The following GOLGA8A variants were observed in gnomAD, a reference collection of about 807,000 sequenced individuals.
The protein encoded by GOLGA8A is golgin subfamily A member 8A.
Under a neutral mutation model 22.1 loss-of-function variants are expected in GOLGA8A, and 3 were observed. The observed-to-expected ratio is 0.14, with a 90% CI of 0.06 to 0.35. GOLGA8A has a LOEUF of 0.35. Ranked by LOEUF, GOLGA8A falls within the 10% of genes least tolerant of loss-of-function variation. The pLI is 1.00. For synonymous variants in GOLGA8A, 7 were observed against 91.7 expected, an observed-to-expected ratio of 0.08 and a Z score of 5.28; for missense variants, 16 against 233.2, an observed-to-expected ratio of 0.07 and a Z score of 6.07.
In GOLGA8A at chr15:34,432,818, G is replaced by A. The variant is rs750465978; in HGVS notation, c.-1123+2565C>T. ...TAGAGTTTAGAGTTTATGACAGGCC[G>A]CCTCTGCATTCTCTCACTAGGCCGT... is the stretch of plus-strand genomic sequence containing the variant. On this transcript the variant is annotated intron_variant, in intron 2 of 24. Coordinates refer to ENST00000359187, the MANE Select transcript of GOLGA8A (RefSeq NM_181077.5). 5.4e-5 allele frequency among the ~76,000 whole-genome samples: 8 copies of A among 148,754 alleles called. 1 individual carries two copies. The highest frequency in any genetic ancestry group is 1.2e-4 in the Non-Finnish European group (8 of 67,100).
In GOLGA8A at chr15:34,428,332, C is replaced by T. The variant is rs1311362635; in HGVS notation, c.-1123+7051G>A. On this transcript the variant is annotated intron_variant, in intron 2 of 24. Coordinates refer to ENST00000359187, the MANE Select transcript of GOLGA8A (RefSeq NM_181077.5). Reference sequence around the variant, plus strand: ...CTGATCTCAAACTCCTGGGCTTAAGCGATCCTCCCTCCTCAGCCTCACAAA... The same window carrying T: ...CTGATCTCAAACTCCTGGGCTTAAGTGATCCTCCCTCCTCAGCCTCACAAA... Among the ~76,000 whole-genome samples the T allele has an allele frequency of 1.3e-3, 192 of 143,554 alleles. 9 individuals are homozygous for T. The highest frequency in any genetic ancestry group is 2.4e-3 in the Non-Finnish European group (155 of 63,852). 94.2% of individuals were successfully genotyped at this position (143,554 alleles called of 152,430 possible).
intron 12 of GOLGA8A, among the ~76,000 whole-genome samples, chr15:34,386,361 CA>C (rs1445961227): frequency 7.2e-6 from 1 of 137,938 alleles, no homozygotes; most frequent in African/African-American, 3.1e-5. Context: ...GTCAGGCCAG[CA>C]CTTCCCCAAG....
intron 2 of GOLGA8A, among the ~76,000 whole-genome samples, chr15:34,431,010 G>A (rs577014927): frequency 6.7e-6 from 1 of 148,562 alleles, no homozygotes; most frequent in African/African-American, 2.5e-5. Context: ...CTGAGAAACA[G>A]AAACTGTGTT....
intron 2 of GOLGA8A, chr15:34,418,904 CTTTTTTTTT>C (rs60469276): frequency 8.5e-6 from 1 of 118,186 alleles, no homozygotes; most frequent in Non-Finnish European, 1.7e-5. Flanking sequence ...ATCCATTTCT[CTTTTTTTTT>C]TTTTTTTTGA....
intron 2 of GOLGA8A, among the ~76,000 whole-genome samples, chr15:34,431,686 T>G (rs1177019618): frequency 6.7e-6 from 1 of 148,686 alleles, no homozygotes; most frequent in Non-Finnish European, 1.5e-5. Flanking sequence ...GAATGGACCT[T>G]CCATGAATGG....
At chr15:34,420,513 GGTCACTGCAGTGAGGATGGAGGT>G (rs1450153218) in intron 2 of GOLGA8A, among the ~76,000 whole-genome samples, 1 of 144,164 alleles carries the variant, frequency 6.9e-6, no homozygotes, top group African/African-American at 2.6e-5. Flanking sequence ...TGCACTCACG[GGTCACTGCAGTGAGGATGGAGGT>G]GTCACTGCAA....
intron 2 of GOLGA8A, among the ~76,000 whole-genome samples, chr15:34,433,437 T>C (rs939011888): frequency 2.0e-5 from 3 of 149,298 alleles, no homozygotes; most frequent in Non-Finnish European, 1.5e-5. Context: ...GGAATCTCAG[T>C]GCACAGTAAG....
In GOLGA8A at chr15:34,410,754, T is replaced by C. The variant is rs1892395734; in HGVS notation, c.-1122-3019A>G. ...TCTTCATTGGTCCAGTTGGGAGACA[T>C]GTTGCGTGGATGCTCCGGCCACTCT... On this transcript the variant is annotated intron_variant, in intron 2 of 24. Transcript: ENST00000359187. Among the ~76,000 whole-genome samples the C allele has an allele frequency of 2.2e-5, 2 of 89,510 alleles. 1 individual carries two copies. Among genetic ancestry groups the C allele is most frequent in the Non-Finnish European group, 5.0e-5 (2 of 40,162 alleles). The allele number at this position is 89,510 out of a possible 152,430, so 58.7% of individuals were successfully genotyped here. A position where few individuals can be genotyped will look rare whatever the true frequency, so the allele number is the denominator to read the frequency against.
rs951434978 is a variant in GOLGA8A, at chr15:34,427,244, T to C, written c.-1123+8139A>G. The stretch of plus-strand genomic sequence containing the variant: ...TACTCGGGAAGCTGAGGAAGGAGAA[T>C]GGCGTGAACCCAGGAGGTGGAGCTT... On this transcript the variant is annotated intron_variant, in intron 2 of 24. Coordinates refer to ENST00000359187, the MANE Select transcript of GOLGA8A (RefSeq NM_181077.5). Among the ~76,000 whole-genome samples the C allele has an allele frequency of 1.2e-4, 17 of 138,456 alleles. 3 individuals carry two copies. Among genetic ancestry groups the C allele is most frequent in the Admixed American group, 8.6e-4 (11 of 12,772 alleles). 90.8% of individuals were successfully genotyped at this position (138,456 alleles called of 152,430 possible). A position where few individuals can be genotyped will look rare whatever the true frequency, so the allele number is the denominator to read the frequency against.
chr15:34,417,981 A>C (rs1892641317), intron 2 of GOLGA8A: 2 of 138,952 alleles, frequency 1.4e-5, no homozygotes, highest in African/African-American at 5.3e-5. Context: ...TGTCTGGCCC[A>C]GTATATACAC....
At chr15:34,432,427 A>G (rs1276698676) in intron 2 of GOLGA8A, among the ~76,000 whole-genome samples, 2 of 149,124 alleles carry the variant, frequency 1.3e-5, no homozygotes, top group Non-Finnish European at 3.0e-5. Context: ...CTCAAAGGCC[A>G]GCACTGCCCC....
Position 34,436,317 on chromosome 15 carries a change from G to A in GOLGA8A, c.-1211-846C>T, listed in dbSNP as rs1221472790. 3.3e-5 allele frequency among the ~76,000 whole-genome samples: 5 copies of A among 149,494 alleles called. 1 individual carries two copies. The highest frequency in any genetic ancestry group is 7.4e-5 in the Non-Finnish European group (5 of 67,182). ...AAATAGAAAAACAAACAAAAACAAA[G>A]AGGCACAGAAGGCTGAAGACGCCAG... On this transcript the variant is annotated intron_variant, in intron 1 of 24. Coordinates refer to ENST00000359187, the MANE Select transcript of GOLGA8A (RefSeq NM_181077.5).
intron 2 of GOLGA8A, among the ~76,000 whole-genome samples, chr15:34,431,337 A>ATCTCTCTCTCTC (rs1385683475): frequency 3.0e-5 from 3 of 99,284 alleles, no homozygotes; most frequent in African/African-American, 1.1e-4. Flanking sequence ...ATATATATAT[A>ATCTCTCTCTCTC]TATATATATC....
intron 8 of GOLGA8A, among the ~76,000 whole-genome samples, chr15:34,397,142 TGG>T (rs1891884114): frequency 4.3e-5 from 2 of 46,442 alleles, no homozygotes; most frequent in Non-Finnish European, 4.1e-5. Context: ...CTTTTTTTTT[TGG>T]TGGTGGTGGG....
chr15:34,436,209 T>A (rs1350986456), intron 1 of GOLGA8A, among the ~76,000 whole-genome samples: 1 of 149,402 alleles, frequency 6.7e-6, no homozygotes, highest in African/African-American at 2.5e-5. Flanking sequence ...AACCTGCACC[T>A]TAGGAAAACT....
intron 2 of GOLGA8A, among the ~76,000 whole-genome samples, chr15:34,434,860 G>T (rs541197386): frequency 6.7e-6 from 1 of 149,574 alleles, no homozygotes; most frequent in Non-Finnish European, 1.5e-5. Flanking sequence ...CTGAGACTGC[G>T]TTGAGGACAC....
chr15:34,437,098 G>A (rs1390669614), intron 1 of GOLGA8A, among the ~76,000 whole-genome samples: 2 of 148,122 alleles, frequency 1.4e-5, no homozygotes, highest in East Asian at 4.0e-4. Flanking sequence ...GCCGAGAGTG[G>A]CCCCTCGCCG....
In GOLGA8A at chr15:34,434,371, C is replaced by G. The variant is rs967719326; in HGVS notation, c.-1123+1012G>C. ...CAGCCGGCACAGAAATCATAAAGCA[C>G]ACAGCAATGGCACCCCACCAGTACG... On this transcript the variant is annotated intron_variant, in intron 2 of 24. Transcript: ENST00000359187. Among the ~76,000 whole-genome samples, 21 of 149,630 alleles carry G rather than the reference C, an allele frequency of 1.4e-4. 1 individual carries two copies. The highest frequency in any genetic ancestry group is 4.7e-4 in the African/African-American group (19 of 40,558).
At chr15:34,431,198 G>C (rs2554784) in intron 2 of GOLGA8A, among the ~76,000 whole-genome samples, 131,829 of 143,720 alleles carry the variant, frequency 0.92, 61,999 homozygotes, top group South Asian at 1. Context: ...ATTAAATTAA[G>C]AACAGATACA....
Sources: allele counts gnomAD v4.1 joint callset (sites outside exome capture counted in the v4.1 genomes callset), GRCh38; gene constraint gnomAD v4.1.1; transcripts MANE v1.5; gene names NCBI Gene and HGNC (gene_info 2026-07-23, HGNC 2026-07-21).